Variants in PTN observed in about 807,000 individuals in gnomAD.
PTN encodes the protein pleiotrophin, also known as heparin affin regulatory protein.
A neutral mutation model predicts 24.1 loss-of-function variants in PTN; 18 were observed. The observed-to-expected ratio is 0.75, with a 90% CI of 0.52 to 1.11. The LOEUF is 1.11. PTN is among the 50% of genes least tolerant of loss of function. PTN has a pLI of 0.00. For synonymous variants in PTN, 78 were observed against 68.6 expected, an observed-to-expected ratio of 1.14 and a Z score of -0.67; for missense variants, 163 against 198.8, an observed-to-expected ratio of 0.82 and a Z score of 1.08.
intron 4 of PTN, among the ~76,000 whole-genome samples, chr7:137,238,036 T>C (rs1429405068): frequency 6.6e-6 from 1 of 152,212 alleles, no homozygotes; most frequent in African/African-American, 2.4e-5. Flanking sequence ...GCTCTTTGGA[T>C]TCCTGATGAG....
intron 1 of PTN, among the ~76,000 whole-genome samples, chr7:137,258,378 A>G (rs1216039420): frequency 2.0e-5 from 3 of 152,188 alleles, no homozygotes; most frequent in African/African-American, 7.2e-5. Flanking sequence ...TAAATCTTCT[A>G]TGAAATAAAT....
intron 1 of PTN, among the ~76,000 whole-genome samples, chr7:137,267,565 A>G (rs1478401163): frequency 6.6e-6 from 1 of 152,106 alleles, no homozygotes; most frequent in Non-Finnish European, 1.5e-5. Flanking sequence ...TTTCACACAA[A>G]GTTCTAAGTT....
intron 1 of PTN, among the ~76,000 whole-genome samples, chr7:137,274,733 A>G (rs1286397769): frequency 6.6e-6 from 1 of 152,244 alleles, no homozygotes; most frequent in Non-Finnish European, 1.5e-5. Flanking sequence ...TTTTATAGTT[A>G]ACTATTCTGT....
intron 1 of PTN, among the ~76,000 whole-genome samples, chr7:137,300,557 A>G (rs1428649544): frequency 6.6e-6 from 1 of 151,984 alleles, no homozygotes; most frequent in Admixed American, 6.6e-5. Context: ...GGGGTGAGTT[A>G]GGGAGTTTTT....
chr7:137,335,478 C>T (rs1045840896), intron 1 of PTN, among the ~76,000 whole-genome samples: 3 of 152,168 alleles, frequency 2.0e-5, no homozygotes, highest in African/African-American at 7.2e-5. Flanking sequence ...GAAGCTTTTG[C>T]ATATAACATA....
intron 1 of PTN, among the ~76,000 whole-genome samples, chr7:137,330,843 G>A (rs1008757577): frequency 3.9e-5 from 6 of 152,182 alleles, no homozygotes; most frequent in African/African-American, 1.4e-4. Flanking sequence ...CCGAGGAGAT[G>A]TGGAAAACAA....
intron 4 of PTN, among the ~76,000 whole-genome samples, chr7:137,244,549 A>G (rs111342824): frequency 0.067 from 10,163 of 150,832 alleles, 574 homozygotes; most frequent in African/African-American, 0.15. Context: ...CCCCACAACA[A>G]GCCCCGGTGT....
chr7:137,284,574 G>T (rs984220337), intron 1 of PTN, among the ~76,000 whole-genome samples: 1 of 152,106 alleles, frequency 6.6e-6, no homozygotes, highest in African/African-American at 2.4e-5. Flanking sequence ...GTTAATAATA[G>T]TGATTTTATT....
At chr7:137,272,046 G>A (rs983921292) in intron 1 of PTN, among the ~76,000 whole-genome samples, 2 of 152,104 alleles carry the variant, frequency 1.3e-5, no homozygotes, top group Non-Finnish European at 2.9e-5. Context: ...GGACACAGTG[G>A]ATATAATTTC....
chr7:137,277,056 T>A (rs1444918718), intron 1 of PTN, among the ~76,000 whole-genome samples: 1 of 152,210 alleles, frequency 6.6e-6, no homozygotes, highest in East Asian at 1.9e-4. Flanking sequence ...GTCAAATGAA[T>A]TTTATCTACA....
chr7:137,295,226 T>TA (rs1809701020), intron 1 of PTN, among the ~76,000 whole-genome samples: 1 of 152,190 alleles, frequency 6.6e-6, no homozygotes, highest in Non-Finnish European at 1.5e-5. Flanking sequence ...GAACAATGAA[T>TA]AGCACAGGCT....
At chr7:137,338,001 A>C (rs1220985719) in intron 1 of PTN, among the ~76,000 whole-genome samples, 1 of 152,160 alleles carries the variant, frequency 6.6e-6, no homozygotes, top group Non-Finnish European at 1.5e-5. Flanking sequence ...AATAGGGTGC[A>C]CAGGTTGGAT....
At chr7:137,274,676 A>G (rs1809334029) in intron 1 of PTN, among the ~76,000 whole-genome samples, 1 of 152,224 alleles carries the variant, frequency 6.6e-6, no homozygotes, top group Admixed American at 6.5e-5. Context: ...CCTTGCTCAC[A>G]TTAGGTACTC....
At chr7:137,311,784 A>C (rs1809986902) in intron 1 of PTN, among the ~76,000 whole-genome samples, 1 of 147,366 alleles carries the variant, frequency 6.8e-6, no homozygotes, top group African/African-American at 2.7e-5. Context: ...TACAACAGTA[A>C]CATCAAGATC....
chr7:137,329,858 G>C (rs2128882539), intron 1 of PTN, among the ~76,000 whole-genome samples: 1 of 152,232 alleles, frequency 6.6e-6, no homozygotes, highest in South Asian at 2.1e-4. Flanking sequence ...CACAATCGTA[G>C]GAACAATGAG....
intron 2 of PTN, 82 bp downstream of exon 2, chr7:137,254,777 A>T: frequency 1.1e-6 from 1 of 889,624 alleles, no homozygotes; most frequent in Non-Finnish European, 1.6e-6. Flanking sequence ...GGCAGAGTAG[A>T]AGAGAGGAAG....
intron 4 of PTN, among the ~76,000 whole-genome samples, chr7:137,237,713 C>T (rs893179719): frequency 8.5e-5 from 13 of 152,098 alleles, no homozygotes; most frequent in African/African-American, 2.7e-4. Context: ...TTCCCCACCA[C>T]GTGATTTCTT....
At chr7:137,285,892 G>A (rs981422286) in intron 1 of PTN, among the ~76,000 whole-genome samples, 20 of 152,170 alleles carry the variant, frequency 1.3e-4, no homozygotes, top group African/African-American at 4.8e-4. Context: ...CAAACCCAAT[G>A]AAACAATAGC....
intron 4 of PTN, among the ~76,000 whole-genome samples, chr7:137,246,963 A>T (rs1808733820): frequency 6.6e-6 from 1 of 152,220 alleles, no homozygotes; most frequent in African/African-American, 2.4e-5. Flanking sequence ...ATGTATGCTT[A>T]AAGTTGCTTT....
Sources: allele counts gnomAD v4.1 joint callset (sites outside exome capture counted in the v4.1 genomes callset), GRCh38; gene constraint gnomAD v4.1.1; transcripts MANE v1.5; gene names NCBI Gene and HGNC (gene_info 2026-07-23, HGNC 2026-07-21).